Variants in EHBP1 observed in about 807,000 individuals in gnomAD.
EHBP1 encodes the protein EH domain-binding protein 1.
A neutral mutation model predicts 144.0 loss-of-function variants in EHBP1; 55 were observed. The ratio of observed to expected loss-of-function variants is 0.38; its 90% CI spans 0.31 to 0.48. The LOEUF (loss-of-function observed/expected upper bound fraction) is 0.48, where lower values mean the gene tolerates loss of function less well. Ranked by LOEUF, EHBP1 falls within the 20% of genes least tolerant of loss-of-function variation. The pLI, the probability that EHBP1 is intolerant of heterozygous loss-of-function variation, is 0.98. For missense variants in EHBP1, 1,200 were observed against 1,364.2 expected, an observed-to-expected ratio of 0.88 and a Z score of 1.90; for synonymous variants, 469 against 472.7, an observed-to-expected ratio of 0.99 and a Z score of 0.10.
chr2:62,676,339 G>T (rs1383169576), intron 1 of EHBP1, among the ~76,000 whole-genome samples: 1 of 152,200 alleles, frequency 6.6e-6, no homozygotes, highest in African/African-American at 2.4e-5. Flanking sequence ...GCTTTTAAAA[G>T]TTACTCATTT....
At chr2:62,928,953 G>T (rs1183422540) in intron 10 of EHBP1, among the ~76,000 whole-genome samples, 1 of 151,832 alleles carries the variant, frequency 6.6e-6, no homozygotes, top group Non-Finnish European at 1.5e-5. Flanking sequence ...AAAGTACTAA[G>T]TAATTCTACA....
intron 5 of EHBP1, among the ~76,000 whole-genome samples, chr2:62,793,459 C>T (rs1388579184): frequency 6.6e-6 from 1 of 152,000 alleles, no homozygotes; most frequent in Non-Finnish European, 1.5e-5. Flanking sequence ...TTGCAATGGT[C>T]ATGTTGATTC....
At chr2:63,016,047 C>A (rs1389386077) in intron 19 of EHBP1, among the ~76,000 whole-genome samples, 1 of 151,878 alleles carries the variant, frequency 6.6e-6, no homozygotes, top group Admixed American at 6.6e-5. Flanking sequence ...ATAGAGTTAC[C>A]CTATTCTTCT....
intron 1 of EHBP1, among the ~76,000 whole-genome samples, chr2:62,678,958 A>T (rs1471164456): frequency 6.6e-6 from 1 of 152,066 alleles, no homozygotes; most frequent in Non-Finnish European, 1.5e-5. Flanking sequence ...ATTTTTAACT[A>T]CTCTTACTAT....
intron 10 of EHBP1, among the ~76,000 whole-genome samples, chr2:62,939,645 TATCTGAGAGAGTACCAGGGAAATGGAGCA>T (rs1485890964): frequency 4.0e-5 from 6 of 151,690 alleles, no homozygotes; most frequent in South Asian, 2.1e-4. Flanking sequence ...ACCATGCAGA[TATCTGAGAGAGTACCAGGGAAATGGAGCA>T]ATCTGAGAGA....
At chr2:62,729,507 TATA>T (rs1326524442) in intron 2 of EHBP1, among the ~76,000 whole-genome samples, 1 of 95,164 alleles carries the variant, frequency 1.1e-5, no homozygotes, top group Non-Finnish European at 2.0e-5. Context: ...ATATAATAAA[TATA>T]ATAAAATAAA....
intron 1 of EHBP1, among the ~76,000 whole-genome samples, chr2:62,679,746 A>C (rs2033445598): frequency 6.6e-6 from 1 of 152,252 alleles, no homozygotes; most frequent in African/African-American, 2.4e-5. Context: ...ATTGGCTATT[A>C]GTCTAGACAA....
chr2:62,754,829 T>G (rs1373511473), intron 3 of EHBP1, among the ~76,000 whole-genome samples: 2 of 152,146 alleles, frequency 1.3e-5, no homozygotes, highest in African/African-American at 4.8e-5. Flanking sequence ...TTGCTAAGAT[T>G]GTTGGGAAAG....
At chr2:62,709,552 A>G (rs2151821960) in intron 2 of EHBP1, among the ~76,000 whole-genome samples, 1 of 152,164 alleles carries the variant, frequency 6.6e-6, no homozygotes, top group East Asian at 1.9e-4. Flanking sequence ...TTAATTTTTA[A>G]ATAACAATTT....
At chr2:62,723,138 C>G (rs751236314) in intron 2 of EHBP1, among the ~76,000 whole-genome samples, 7 of 152,120 alleles carry the variant, frequency 4.6e-5, no homozygotes, top group Non-Finnish European at 1.0e-4. Flanking sequence ...TTGAAGGTCT[C>G]GAAGAAATTG....
intron 2 of EHBP1, among the ~76,000 whole-genome samples, chr2:62,709,358 C>T (rs894161780): frequency 1.3e-5 from 2 of 150,836 alleles, no homozygotes; most frequent in Admixed American, 6.6e-5. Flanking sequence ...TGGAGAAGGT[C>T]GTGATTATAG....
Position 62,777,216 on chromosome 2 carries a change from C to A in EHBP1, c.312+5824C>A, listed in dbSNP as rs1340412997. On this transcript the variant is annotated intron_variant, in intron 5 of 22. Coordinates refer to ENST00000431489, the MANE Select transcript of EHBP1 (RefSeq NM_001142616.3). ...GAACCGCTGAGCTCAAGCAGTACTC[C>A]CACCTCGGCCTCCCAGAGTGTTGAG... is the stretch of plus-strand genomic sequence containing the variant. Among the ~76,000 whole-genome samples, 4 of 152,150 alleles carry A rather than the reference C, an allele frequency of 2.6e-5. No individual in the cohort carries two copies. The East Asian group carries it at 7.7e-4, about 29-fold the overall frequency.
At chr2:62,721,973 C>T (rs959079103) in intron 2 of EHBP1, among the ~76,000 whole-genome samples, 4 of 151,990 alleles carry the variant, frequency 2.6e-5, no homozygotes, top group Admixed American at 6.6e-5. Flanking sequence ...TATACATTTC[C>T]CCTCAATTCC....
At chr2:62,916,156 A>G (rs2054599442) in intron 10 of EHBP1, among the ~76,000 whole-genome samples, 1 of 151,992 alleles carries the variant, frequency 6.6e-6, no homozygotes, top group Non-Finnish European at 1.5e-5. Context: ...TCTTGTCTCT[A>G]AAATAATAGA....
chr2:62,981,559 A>T (rs1387554717), intron 15 of EHBP1, among the ~76,000 whole-genome samples: 1 of 152,170 alleles, frequency 6.6e-6, no homozygotes, highest in Non-Finnish European at 1.5e-5. Flanking sequence ...ATGATATGGG[A>T]TGTGTCAGCT....
At chr2:62,892,049 C>T (rs2052501977) in intron 10 of EHBP1, among the ~76,000 whole-genome samples, 1 of 152,064 alleles carries the variant, frequency 6.6e-6, no homozygotes, top group Non-Finnish European at 1.5e-5. Flanking sequence ...AGTTTGGGAC[C>T]ATTCTTATAC....
chr2:62,759,708 G>A (rs2040608847), intron 3 of EHBP1, among the ~76,000 whole-genome samples: 1 of 152,034 alleles, frequency 6.6e-6, no homozygotes. Context: ...CCAGCCAGTG[G>A]TGTGCTTTTT....
At chr2:62,926,818 C>T (rs986751909) in intron 10 of EHBP1, among the ~76,000 whole-genome samples, 1 of 152,030 alleles carries the variant, frequency 6.6e-6, no homozygotes, top group African/African-American at 2.4e-5. Flanking sequence ...ACCATATGAT[C>T]CAGCAGTCCT....
chr2:62,739,596 C>T (rs1392054140), intron 2 of EHBP1, among the ~76,000 whole-genome samples: 2 of 151,954 alleles, frequency 1.3e-5, no homozygotes, highest in African/African-American at 2.4e-5. Flanking sequence ...ATATTGCACA[C>T]ATATACAGCA....
Sources: gnomAD v4.1 joint callset for allele counts (sites outside exome capture counted in the v4.1 genomes callset) on GRCh38, gnomAD v4.1.1 for gene constraint, MANE v1.5 for transcripts, NCBI Gene and HGNC (gene_info 2026-07-23, HGNC 2026-07-21) for gene names.